Variants in CDH17 observed in about 807,000 individuals in gnomAD.
CDH17 encodes the protein cadherin-17.
A neutral mutation model predicts 86.3 loss-of-function variants in CDH17; 67 were observed. That is an observed-to-expected ratio of 0.78 (90% CI 0.64 to 0.95). CDH17 has a LOEUF of 0.95. Among genes scored for constraint, CDH17 ranks in the 40% least tolerant of loss-of-function variants. The pLI, the probability that CDH17 is intolerant of heterozygous loss-of-function variation, is 0.00. For missense variants in CDH17, 993 were observed against 1,017.6 expected, an observed-to-expected ratio of 0.98 and a Z score of 0.33; for synonymous variants, 367 against 366.4, an observed-to-expected ratio of 1.00 and a Z score of -0.02.
chr8:94,215,552 T>C (rs1314384536), intron 1 of CDH17, among the ~76,000 whole-genome samples: 1 of 152,140 alleles, frequency 6.6e-6, no homozygotes, highest in East Asian at 1.9e-4. Flanking sequence ...GTGATGAACA[T>C]TTTCTAAGTT....
chr8:94,136,109 G>T (rs1473560466), intron 15 of CDH17, among the ~76,000 whole-genome samples: 1 of 152,036 alleles, frequency 6.6e-6, no homozygotes. Flanking sequence ...TTTCAACCTT[G>T]GTGAATCTGA....
intron 17 of CDH17, among the ~76,000 whole-genome samples, chr8:94,129,931 G>A (rs1268103720): frequency 1.3e-5 from 2 of 152,124 alleles, no homozygotes; most frequent in East Asian, 1.9e-4. Flanking sequence ...ATATCTCATC[G>A]TGTATTTGCA....
intron 3 of CDH17, among the ~76,000 whole-genome samples, chr8:94,188,845 T>C (rs958240056): frequency 6.6e-6 from 1 of 152,146 alleles, no homozygotes; most frequent in Non-Finnish European, 1.5e-5. Context: ...AGCAAGCTCA[T>C]TGATCAGACA....
intron 4 of CDH17, among the ~76,000 whole-genome samples, chr8:94,177,222 A>G (rs148210361): frequency 3.3e-5 from 5 of 152,276 alleles, no homozygotes; most frequent in African/African-American, 4.8e-5. Flanking sequence ...GCACCGATAC[A>G]GCCTTCTTCA....
chr8:94,185,067 G>A (rs963142468), intron 3 of CDH17, among the ~76,000 whole-genome samples: 29 of 152,170 alleles, frequency 1.9e-4, no homozygotes, highest in African/African-American at 7.0e-4. Flanking sequence ...AGAGCAAAAT[G>A]TGCTTGACTA....
intron 11 of CDH17, among the ~76,000 whole-genome samples, chr8:94,161,710 C>A (rs982980531): frequency 2.6e-5 from 4 of 152,098 alleles, no homozygotes; most frequent in African/African-American, 7.2e-5. Flanking sequence ...AAATTTTTGG[C>A]TAAAAATGCT....
At chr8:94,206,767 A>G (rs776261164) in intron 1 of CDH17, among the ~76,000 whole-genome samples, 27 of 150,744 alleles carry the variant, frequency 1.8e-4, no homozygotes, top group Non-Finnish European at 3.5e-4. Context: ...TCAGCCTCCC[A>G]AGTCGCTAGG....
At position 94,199,061 on chromosome 8, in the gene CDH17, ATATATATATATATATATATATATTTT is replaced by A. The variant is rs1241276245; in HGVS notation, c.-20-4382_-20-4357del. ...TTGATATATATATATATATATATAT[ATATATATATATATATATATATATTTT>A]TTTTTTTTTATCATTTGTCTGTTAG... On this transcript the variant is annotated intron_variant, in intron 1 of 17. Transcript: ENST00000027335. Among the ~76,000 whole-genome samples the A allele has an allele frequency of 7.9e-3, 392 of 49,842 alleles. 8 individuals are homozygous for A. Among genetic ancestry groups the A allele is most frequent in the African/African-American group, 0.019 (164 of 8,706 alleles). 32.7% of individuals were successfully genotyped at this position (49,842 alleles called of 152,430 possible).
intron 15 of CDH17, among the ~76,000 whole-genome samples, chr8:94,134,307 TATTA>T (rs1812478812): frequency 6.6e-6 from 1 of 152,224 alleles, no homozygotes; most frequent in African/African-American, 2.4e-5. Flanking sequence ...GTTGGTAGGC[TATTA>T]ATTATTGCCT....
upstream of CDH17, among the ~76,000 whole-genome samples, chr8:94,209,156 C>T (rs723360): frequency 0.44 from 67,097 of 151,874 alleles, 15,539 homozygotes; most frequent in Non-Finnish European, 0.54. Flanking sequence ...TCCTTTTTTC[C>T]CCCCCACAAT....
At chr8:94,185,093 G>C (rs1813553036) in intron 3 of CDH17, among the ~76,000 whole-genome samples, 1 of 152,170 alleles carries the variant, frequency 6.6e-6, no homozygotes, top group South Asian at 2.1e-4. Context: ...CAGGAGACCT[G>C]TGTTCTATTG....
chr8:94,207,620 T>G (rs1814055153), intron 1 of CDH17, among the ~76,000 whole-genome samples: 1 of 152,194 alleles, frequency 6.6e-6, no homozygotes, highest in South Asian at 2.1e-4. Flanking sequence ...TTCTTTCAAA[T>G]AATGCCTCAT....
At chr8:94,158,258 A>G (rs36078824) in intron 12 of CDH17, among the ~76,000 whole-genome samples, 2,730 of 152,254 alleles carry the variant, frequency 0.018, 45 homozygotes, top group Middle Eastern at 0.031. Context: ...ATAGAACCAC[A>G]TATAAAGTAA....
chr8:94,174,443 G>A (rs1057172290), intron 5 of CDH17, among the ~76,000 whole-genome samples, 183 bp from the exon 6 acceptor site: 1 of 152,066 alleles, frequency 6.6e-6, no homozygotes, highest in East Asian at 1.9e-4. Context: ...GTTTCTCAAG[G>A]TCTGGTCCAA....
chr8:94,170,553 A>G lies in CDH17; in HGVS notation c.916-6T>C. ...GCAACTGCATAAAAAACATACTACA[A>G]CAGGAAAGTCAGAGTTAAGGCAAGA... On this transcript the variant is annotated splice_polypyrimidine_tract_variant and splice_region_variant and intron_variant, in intron 8 of 17. Coordinates refer to ENST00000027335, the MANE Select transcript of CDH17 (RefSeq NM_004063.4). The G allele has an allele frequency of 1.2e-6, 2 of 1,613,296 alleles. No homozygotes were observed. Among genetic ancestry groups the G allele is most frequent in the African/African-American group, 1.3e-5 (1 of 75,006 alleles).
At position 94,174,222 on chromosome 8, in the gene CDH17, C is replaced by T. The variant is rs954084184; in HGVS notation, c.463G>A (p.Asp155Asn). The T allele has an allele frequency of 1.2e-6, 2 of 1,612,538 alleles. No homozygotes were observed. The highest frequency in any genetic ancestry group is 2.7e-5 in the African/African-American group (2 of 74,470). The change falls in exon 6 of 18, where the codon GAT becomes AAT. Residue 155 changes from aspartate (D) to asparagine (N), a missense_variant. Asp to Asn is a conservative substitution (Grantham distance 23). Coordinates refer to ENST00000027335, the MANE Select transcript of CDH17 (RefSeq NM_004063.4). The part of the protein sequence containing the change: ...FLYVNATDLD[D>N]PATPNGQLYY... ...AGCTGGCCATTGGGAGTGGCCGGAT[C>T]ATCCAGGTCTGTGGCATTGACATAC...
chr8:94,186,014 A>G (rs1381739301), intron 3 of CDH17, among the ~76,000 whole-genome samples: 2 of 151,934 alleles, frequency 1.3e-5, no homozygotes, highest in Non-Finnish European at 2.9e-5. Flanking sequence ...TTTTTTCCAT[A>G]TGGCTTCATT....
chr8:94,205,765 C>T (rs1814014446), intron 1 of CDH17, among the ~76,000 whole-genome samples: 1 of 151,842 alleles, frequency 6.6e-6, no homozygotes, highest in Admixed American at 6.6e-5. Context: ...CTAAGTTAAA[C>T]ACTTTGGACA....
At chr8:94,156,662 C>T (rs978946062) in intron 12 of CDH17, among the ~76,000 whole-genome samples, 8 of 152,176 alleles carry the variant, frequency 5.3e-5, no homozygotes, top group African/African-American at 1.9e-4. Flanking sequence ...GGCCGCAGTC[C>T]TCAGTATGCA....
Sources: allele counts gnomAD v4.1 joint callset (sites outside exome capture counted in the v4.1 genomes callset), GRCh38; gene constraint gnomAD v4.1.1; transcripts MANE v1.5; gene names NCBI Gene and HGNC (gene_info 2026-07-23, HGNC 2026-07-21).